The following FAT2 variants were observed in gnomAD, a reference collection of about 807,000 sequenced individuals.
The protein encoded by FAT2 is protocadherin Fat 2.
FAT2 carries 150 observed loss-of-function variants against 295.3 expected under a neutral mutation model. The ratio of observed to expected loss-of-function variants is 0.51; its 90% CI spans 0.44 to 0.58. The LOEUF (loss-of-function observed/expected upper bound fraction) is 0.58, where lower values mean the gene tolerates loss of function less well. Among genes scored for constraint, FAT2 ranks in the 20% least tolerant of loss-of-function variants. The probability of loss-of-function intolerance (pLI) is 0.00; values close to 1 mark genes in which losing one functional copy is unlikely to be tolerated. For synonymous variants in FAT2, 2,026 were observed against 2,150.3 expected, an observed-to-expected ratio of 0.94 and a Z score of 1.60; for missense variants, 4,868 against 5,442.7, an observed-to-expected ratio of 0.89 and a Z score of 3.32.
At chr5:151,522,208 C>T in intron 18 of FAT2, 122 bp from the exon 19 acceptor site, 2 of 725,868 alleles carry the variant, frequency 2.8e-6, no homozygotes, top group Non-Finnish European at 2.2e-6. Flanking sequence ...AGGGCTGGCT[C>T]AGCGCATTGT....
intron 4 of FAT2, 192 bp downstream of exon 4, chr5:151,556,152 T>C: frequency 1.7e-6 from 1 of 604,274 alleles, no homozygotes; most frequent in East Asian, 2.9e-5. Context: ...CTGGGCACAG[T>C]TTCAGACTCC....
intron 3 of FAT2, among the ~76,000 whole-genome samples, chr5:151,560,425 C>T (rs1757969076): frequency 6.6e-6 from 1 of 152,202 alleles, no homozygotes; most frequent in South Asian, 2.1e-4. Context: ...CATCTACTTG[C>T]ATTGTCTTCA....
rs1437553672 is a variant in FAT2 at position 151,512,929 on chromosome 5, T to C, written c.11464-323A>G. Among the ~76,000 whole-genome samples, 1 of 152,198 alleles carries C rather than the reference T, an allele frequency of 6.6e-6. No homozygotes were observed. Among genetic ancestry groups the C allele is most frequent in the Non-Finnish European group, 1.5e-5 (1 of 68,040 alleles). ...GCTTCTTCACAGGCCTGTCCAGAGT[T>C]CCACACTTGTGAATATTGGCCTTCA... On this transcript the variant is annotated intron_variant, in intron 20 of 23. Transcript: ENST00000261800. The surrounding 1 kb of genome is among the most constrained non-coding windows in gnomAD (Gnocchi z 4.1).
rs968538908 is a variant in FAT2 at position 151,532,016 on chromosome 5, C to G, written c.9428-46G>C. 7 of 1,593,810 alleles carry G rather than the reference C, an allele frequency of 4.4e-6. No homozygotes were observed. The African/African-American group carries it at 6.7e-5, about 15-fold the overall frequency. On this transcript the variant is annotated intron_variant, in intron 13 of 23. Transcript: ENST00000261800. ...GTGATCCACACTGAGGGCGCCTCCTCTGGACCTGCCTGCAGCAAACCCTGC... is the reference window on the plus strand; with the variant it reads ...GTGATCCACACTGAGGGCGCCTCCTGTGGACCTGCCTGCAGCAAACCCTGC...
At chr5:151,541,903 C>A (rs1756183903) in intron 10 of FAT2, among the ~76,000 whole-genome samples, 1 of 151,878 alleles carries the variant, frequency 6.6e-6, no homozygotes, top group Non-Finnish European at 1.5e-5. Context: ...CTGGGTAGGA[C>A]ACTCTCCATA....
chr5:151,590,296 A>T (rs1193674292), intron 1 of FAT2, among the ~76,000 whole-genome samples: 2 of 152,112 alleles, frequency 1.3e-5, no homozygotes, highest in Non-Finnish European at 2.9e-5. Flanking sequence ...CCAGCTCCAG[A>T]TTGAGGCTGG....
In FAT2 at chr5:151,567,560, A is replaced by G. The variant is rs754674336; in HGVS notation, c.1372T>C (p.Phe458Leu). 15 of 1,614,032 alleles carry G rather than the reference A, an allele frequency of 9.3e-6. 1 individual carries two copies. In the Admixed American group the frequency reaches 1.2e-4, roughly 13 times the overall value. ...IVDCNNHAPL[F>L]NRSSYDGTLD... Reference sequence around the variant, plus strand: ...GTACCATCATAGGAAGACCTGTTGAAGAGGGGGGCATGGTTGTTGCAGTCC... The same window carrying G: ...GTACCATCATAGGAAGACCTGTTGAGGAGGGGGGCATGGTTGTTGCAGTCC... The change falls in exon 2 of 24, where the codon TTC becomes CTC. Residue 458 changes from phenylalanine (F) to leucine (L), a missense_variant. By Grantham distance (22) the Phe-to-Leu change is conservative. Transcript: ENST00000261800.
intron 1 of FAT2, among the ~76,000 whole-genome samples, chr5:151,583,778 A>T (rs770630676): frequency 6.6e-5 from 10 of 152,142 alleles, no homozygotes; most frequent in Non-Finnish European, 7.4e-5. Flanking sequence ...TGGGTGGATC[A>T]CTTGAGGTCA....
chr5:151,580,498 A>G (rs1006201275), intron 1 of FAT2, among the ~76,000 whole-genome samples: 3 of 152,206 alleles, frequency 2.0e-5, no homozygotes, highest in African/African-American at 7.2e-5. Context: ...TGCTCAAAAA[A>G]TATGTGTAGA....
Position 151,568,288 on chromosome 5 carries a change from C to T in FAT2, c.644G>A (p.Gly215Glu). Residue 215 changes from glycine to glutamate, a missense_variant, in exon 2 of 24, where the codon GGA (glycine) becomes GAA (glutamate). Gly to Glu is a moderately conservative substitution (Grantham distance 98). This residue lies in a region of FAT2 where 3,297 missense variants were observed against 3,669.4 expected (regional missense o/e 0.90). Coordinates refer to ENST00000261800, the MANE Select transcript of FAT2 (RefSeq NM_001447.3). ...VAGKLNVTWR[G>E]KHELQVLAVD... ...AGCTAGCACCTGGAGCTCATGCTTT[C>T]CTCGCCAGGTGACGTTAAGCTTCCC... The T allele has an allele frequency of 6.2e-7, 1 of 1,614,216 alleles. No homozygotes were observed. The highest frequency in any genetic ancestry group is 8.5e-7 in the Non-Finnish European group (1 of 1,180,032).
At chr5:151,594,587 G>A (rs1040306594), upstream of FAT2, among the ~76,000 whole-genome samples, 4 of 152,178 alleles carry the variant, frequency 2.6e-5, no homozygotes, top group African/African-American at 9.7e-5. Context: ...TTTTACAGGG[G>A]TGCCGCCGTA....
At position 151,544,529 on chromosome 5, in the gene FAT2, C is replaced by T. The variant is rs2127610009; in HGVS notation, c.6598G>A (p.Gly2200Arg). 1 of 1,613,970 alleles carries T rather than the reference C, an allele frequency of 6.2e-7. No homozygotes were observed. Among genetic ancestry groups the T allele is most frequent in the Non-Finnish European group, 8.5e-7 (1 of 1,179,972 alleles). ...ILHTQARSPE[G>R]LRLIYNIVEE... ...ACAATGTTGTAGATGAGCCGGAGTCCCTCTGGACTCCGGGCCTGGGTGTGG... is the reference window on the plus strand; with the variant it reads ...ACAATGTTGTAGATGAGCCGGAGTCTCTCTGGACTCCGGGCCTGGGTGTGG... Residue 2200 changes from glycine (G) to arginine (R), a missense_variant, in exon 10 of 24, where the codon GGA (glycine) becomes AGA (arginine). By Grantham distance (125) the Gly-to-Arg change is moderately radical. Transcript: ENST00000261800.
Position 151,531,055 on chromosome 5 carries a change from A to C in FAT2, c.9811+532T>G, listed in dbSNP as rs146582881. Among the ~76,000 whole-genome samples, 361 of 152,224 alleles carry C rather than the reference A, an allele frequency of 2.4e-3. 4 individuals carry two copies. The highest frequency in any genetic ancestry group is 4.2e-3 in the Non-Finnish European group (283 of 68,000). On this transcript the variant is annotated intron_variant, in intron 14 of 23. Coordinates refer to ENST00000261800, the MANE Select transcript of FAT2 (RefSeq NM_001447.3). The surrounding 1 kb of genome is among the most constrained non-coding windows in gnomAD (Gnocchi z 5.7). ...GAGGCCCTTCGGTGAGTTTCTGTGA[A>C]CCTGACTTTGAGTCTTCTGTGGCTA... is the stretch of plus-strand genomic sequence containing the variant.
intron 1 of FAT2, among the ~76,000 whole-genome samples, chr5:151,589,914 A>C (rs1759331510): frequency 6.6e-6 from 1 of 152,092 alleles, no homozygotes; most frequent in Admixed American, 6.5e-5. Flanking sequence ...ATATTTAATA[A>C]AGGGAGGAGA....
intron 10 of FAT2, among the ~76,000 whole-genome samples, chr5:151,542,037 G>T (rs1418159810): frequency 6.6e-6 from 1 of 152,148 alleles, no homozygotes; most frequent in Non-Finnish European, 1.5e-5. Flanking sequence ...CATACTTTTT[G>T]CAAAGCACTT....
chr5:151,566,661 G>A lies in FAT2; in HGVS notation c.2271C>T (p.Gly757=), dbSNP rs755834106. The A allele has an allele frequency of 1.9e-6, 3 of 1,614,128 alleles. No homozygotes were observed. The highest frequency in any genetic ancestry group is 2.5e-6 in the Non-Finnish European group (3 of 1,180,034). Residue 757 remains glycine, a synonymous_variant, in exon 2 of 24, where the codon GGC becomes GGT. Transcript: ENST00000261800. ...NGKLVYVIAD[G]NEEGCFDIEL... ...CTATGTCAAAGCAGCCCTCCTCATT[G>A]CCATCTGCAATCACATAGACCAGTT...
intron 14 of FAT2, among the ~76,000 whole-genome samples, chr5:151,530,877 A>G (rs1317550886): frequency 6.6e-6 from 1 of 152,168 alleles, no homozygotes; most frequent in African/African-American, 2.4e-5. Flanking sequence ...TCATTGTACT[A>G]TTCTATTTTT....
intron 18 of FAT2, among the ~76,000 whole-genome samples, chr5:151,524,637 G>A (rs1753810497): frequency 6.6e-6 from 1 of 152,166 alleles, no homozygotes; most frequent in South Asian, 2.1e-4. Flanking sequence ...CACTCTCAAA[G>A]ATCACAGTTT....
chr5:151,570,654 G>A (rs1011829969), intron 1 of FAT2, among the ~76,000 whole-genome samples: 1 of 151,938 alleles, frequency 6.6e-6, no homozygotes, highest in Non-Finnish European at 1.5e-5. Context: ...GCACCAGGCT[G>A]ATGCCTGGCT....
Sources: allele counts gnomAD v4.1 joint callset (sites outside exome capture counted in the v4.1 genomes callset), GRCh38; gene constraint gnomAD v4.1.1; regional missense constraint gnomAD v4.1.1; non-coding constraint Gnocchi (gnomAD v3.1); transcripts MANE v1.5; gene names NCBI Gene and HGNC (gene_info 2026-07-23, HGNC 2026-07-21).